Variants in WDR76 observed in about 807,000 individuals in gnomAD.
The protein encoded by WDR76 is WD repeat-containing protein 76.
In WDR76, 52 loss-of-function variants were observed where a neutral mutation model predicts 70.2. The ratio of observed to expected loss-of-function variants is 0.74; its 90% CI spans 0.59 to 0.93. The LOEUF (loss-of-function observed/expected upper bound fraction) is 0.93. WDR76 is among the 40% of genes least tolerant of loss of function. The probability of loss-of-function intolerance (pLI) is 0.00; values close to 1 mark genes in which losing one functional copy is unlikely to be tolerated. For missense variants in WDR76, 756 were observed against 760.2 expected (o/e 0.99, Z 0.07); for synonymous variants, 292 against 271.1 (o/e 1.08, Z -0.76).
intron 9 of WDR76, among the ~76,000 whole-genome samples, chr15:43,853,953 G>A (rs916053063): frequency 6.6e-6 from 1 of 150,506 alleles, no homozygotes; most frequent in Non-Finnish European, 1.5e-5. Flanking sequence ...TGGCAAATAA[G>A]CACATGAAAA....
chr15:43,858,646 T>C (rs770878813), intron 10 of WDR76, 25 bp from the exon 11 acceptor site: 17 of 1,610,990 alleles, frequency 1.1e-5, no homozygotes, highest in Admixed American at 3.3e-5. Context: ...TATGGCAACA[T>C]TGATCATTGT....
rs565161275 is a variant in WDR76 at position 43,827,721 on chromosome 15, T to C, written c.61-244T>C. Among the ~76,000 whole-genome samples the C allele has an allele frequency of 4.3e-4, 65 of 152,256 alleles. 1 individual carries two copies. In the South Asian group the frequency reaches 0.013, roughly 31 times the overall value. ...CACTATGCCCAGCTAATTTTTGTATTTTTAGTAGAGACAGGTGGTTTCATT... is the reference window on the plus strand; with the variant it reads ...CACTATGCCCAGCTAATTTTTGTATCTTTAGTAGAGACAGGTGGTTTCATT... On this transcript the variant is annotated intron_variant, in intron 1 of 12. Coordinates refer to ENST00000263795, the MANE Select transcript of WDR76 (RefSeq NM_024908.4).
intron 8 of WDR76, among the ~76,000 whole-genome samples, chr15:43,845,491 C>A (rs953431455): frequency 3.3e-5 from 5 of 150,046 alleles, no homozygotes; most frequent in Admixed American, 2.7e-4. Flanking sequence ...AGAAAGTAGG[C>A]CCTTACCAGA....
chr15:43,842,164 GT>G (rs1213568663), intron 5 of WDR76, among the ~76,000 whole-genome samples: 1 of 152,152 alleles, frequency 6.6e-6, no homozygotes, highest in Non-Finnish European at 1.5e-5. Flanking sequence ...TCAATCCACT[GT>G]CTTTAAAATG....
rs759181427 is a variant in WDR76 at position 43,836,199 on chromosome 15, G to A, written c.591G>A (p.Gln197=). 6.2e-7 allele frequency: 1 copy of A among 1,609,674 alleles called. No individual in the cohort carries two copies. Among genetic ancestry groups the A allele is most frequent in the Non-Finnish European group, 8.5e-7 (1 of 1,178,076 alleles). Residue 197 remains glutamine (Q), a synonymous_variant, in exon 4 of 13, where the codon CAG becomes CAA. Transcript: ENST00000263795. ...ARLREMIEKR[Q]PPKSKRKKPK... ...TCCGTGAAATGATAGAGAAGAGACA[G>A]CCTCCTAAATCCAAAAGGTAAAATA...
At chr15:43,857,897 T>C (rs1398487164) in intron 10 of WDR76, among the ~76,000 whole-genome samples, 1 of 150,610 alleles carries the variant, frequency 6.6e-6, no homozygotes, top group Non-Finnish European at 1.5e-5. Flanking sequence ...GAGATGTGTC[T>C]AGTATTGTAC....
chr15:43,838,575 CT>C (rs1350697550), intron 4 of WDR76, among the ~76,000 whole-genome samples: 2 of 152,118 alleles, frequency 1.3e-5, no homozygotes, highest in Non-Finnish European at 1.5e-5. Context: ...TACAATATGC[CT>C]TTTTTATATT....
intron 8 of WDR76, among the ~76,000 whole-genome samples, chr15:43,844,736 C>T (rs548827032): frequency 3.2e-4 from 48 of 149,314 alleles, no homozygotes; most frequent in African/African-American, 1.0e-3. Flanking sequence ...AGTGAAACCG[C>T]GTCTCTACTA....
At chr15:43,828,606 C>T (rs911901496) in intron 2 of WDR76, among the ~76,000 whole-genome samples, 4 of 152,160 alleles carry the variant, frequency 2.6e-5, no homozygotes, top group Non-Finnish European at 5.9e-5. Flanking sequence ...TACTCTGCTT[C>T]CTTTTTTCTT....
rs536269241 is a variant in WDR76 at position 43,860,641 on chromosome 15, T to C, written c.1563-692T>C. On this transcript the variant is annotated intron_variant, in intron 11 of 12. Coordinates refer to ENST00000263795, the MANE Select transcript of WDR76 (RefSeq NM_024908.4). ...CCTCAGCTTCCCAAGTAGCTGGGTC[T>C]AGAGGCATGTGCCACCATACCTAGC... 2.4e-4 allele frequency among the ~76,000 whole-genome samples: 36 copies of C among 152,202 alleles called. 1 individual carries two copies. The highest frequency in any genetic ancestry group is 3.4e-3 in the Middle Eastern group (1 of 294).
chr15:43,858,077 C>T (rs1567192146), intron 10 of WDR76, among the ~76,000 whole-genome samples: 2 of 146,912 alleles, frequency 1.4e-5, no homozygotes, highest in East Asian at 2.1e-4. Context: ...GGATTATAGG[C>T]GTGCACTACC....
At chr15:43,832,930 T>C (rs1280281819) in intron 2 of WDR76, among the ~76,000 whole-genome samples, 1 of 151,752 alleles carries the variant, frequency 6.6e-6, no homozygotes, top group African/African-American at 2.4e-5. Flanking sequence ...TTTTTTTGTA[T>C]TTTTAGTAGA....
intron 2 of WDR76, among the ~76,000 whole-genome samples, chr15:43,830,058 G>C (rs1017630020): frequency 1.3e-5 from 2 of 150,400 alleles, no homozygotes; most frequent in Non-Finnish European, 3.0e-5. Context: ...GTGGGGTGGA[G>C]GTTGGGAGGT....
intron 8 of WDR76, among the ~76,000 whole-genome samples, chr15:43,846,462 T>A (rs1370207074): frequency 6.7e-6 from 1 of 148,712 alleles, no homozygotes; most frequent in East Asian, 1.9e-4. Context: ...TTTTTTAACT[T>A]TTTGTAGAGA....
rs1157097847 is a variant in WDR76 at position 43,831,841 on chromosome 15, G to GC, written c.463-3220_463-3219insC. Among the ~76,000 whole-genome samples, 186 of 144,482 alleles carry GC rather than the reference G, an allele frequency of 1.3e-3. 1 individual carries two copies. Among genetic ancestry groups the GC allele is most frequent in the African/African-American group, 4.2e-3 (165 of 39,610 alleles). 94.8% of individuals were successfully genotyped at this position (144,482 alleles called of 152,430 possible). A position where few individuals can be genotyped will look rare whatever the true frequency, so the allele number is the denominator to read the frequency against. On this transcript the variant is annotated intron_variant, in intron 2 of 12. Coordinates refer to ENST00000263795, the MANE Select transcript of WDR76 (RefSeq NM_024908.4). ...CTTTGCATATCAGAGAAATTTTTTTGTTTTTTTTTTTGAGACGGAGTCTCA... is the reference window on the plus strand; with the variant it reads ...CTTTGCATATCAGAGAAATTTTTTTGCTTTTTTTTTTTGAGACGGAGTCTCA...
At chr15:43,856,385 G>A (rs2087927175) in intron 9 of WDR76, among the ~76,000 whole-genome samples, 3 of 152,008 alleles carry the variant, frequency 2.0e-5, no homozygotes, top group Non-Finnish European at 2.9e-5. Context: ...TGTGTGTCTT[G>A]GACTTGGTTG....
chr15:43,827,931 C>G, intron 1 of WDR76, 34 bp from the exon 2 acceptor site: 1 of 1,550,994 alleles, frequency 6.4e-7, no homozygotes, highest in Non-Finnish European at 8.7e-7. Flanking sequence ...ACTTGGAGTT[C>G]TAATATTCTG....
intron 9 of WDR76, among the ~76,000 whole-genome samples, chr15:43,855,456 A>G (rs115939295): frequency 1.3e-5 from 2 of 152,136 alleles, no homozygotes; most frequent in African/African-American, 4.8e-5. Context: ...TTTCATTTGT[A>G]TATATTGGTC....
intron 4 of WDR76, among the ~76,000 whole-genome samples, chr15:43,837,489 GGCA>G: frequency 6.6e-6 from 1 of 152,220 alleles, no homozygotes; most frequent in Non-Finnish European, 1.5e-5. Flanking sequence ...TAGTTGTATA[GGCA>G]GTAGCAAGTT....
Sources: gnomAD v4.1 joint callset for allele counts (sites outside exome capture counted in the v4.1 genomes callset) on GRCh38, gnomAD v4.1.1 for gene constraint, MANE v1.5 for transcripts, NCBI Gene and HGNC (gene_info 2026-07-23, HGNC 2026-07-21) for gene names.